Variants in EDEM2 observed in about 807,000 individuals in gnomAD.
EDEM2 encodes the protein ER degradation enhancing alpha-mannosidase like protein 2, also known as ER degradation-enhancing alpha-mannosidase-like protein 2.
In EDEM2, 39 loss-of-function variants were observed where a neutral mutation model predicts 64.8. The ratio of observed to expected loss-of-function variants is 0.60; its 90% CI spans 0.47 to 0.79. The LOEUF (loss-of-function observed/expected upper bound fraction) is 0.79. Ranked by LOEUF, EDEM2 falls within the 30% of genes least tolerant of loss-of-function variation. The pLI is 0.00. For missense variants in EDEM2, 609 were observed against 731.3 expected (o/e 0.83, Z 1.93); for synonymous variants, 296 against 291.5 (o/e 1.02, Z -0.16).
intron 7 of EDEM2, among the ~76,000 whole-genome samples, chr20:35,128,331 G>A (rs1472085482): frequency 1.4e-5 from 2 of 145,446 alleles, no homozygotes; most frequent in Non-Finnish European, 1.5e-5. Context: ...TGTAGTGAGC[G>A]GAGATCACAC....
rs777640624 is a variant in EDEM2 at position 35,115,877 on chromosome 20, G to T, written c.1293C>A (p.Ala431=). The T allele has an allele frequency of 1.9e-5, 31 of 1,613,784 alleles. No homozygotes were observed. The highest frequency in any genetic ancestry group is 2.2e-5 in the East Asian group (1 of 44,884). Residue 431 remains alanine (A), a synonymous_variant, in exon 11 of 11, where the codon GCC becomes GCA. Transcript: ENST00000374492. ...GGAGGTAGAGGTATTTCACAGTCTCGGCCAGGAAGAACGACTCCATGCGGT... is the reference window on the plus strand; with the variant it reads ...GGAGGTAGAGGTATTTCACAGTCTCTGCCAGGAAGAACGACTCCATGCGGT... ...LDNRMESFFL[A]ETVKYLYLLF... is the part of the protein sequence containing the mutation.
rs79137425 is a variant in EDEM2 at position 35,118,365 on chromosome 20, A to G, written c.1236+233T>C. The G allele has an allele frequency of 1.2e-4, 66 of 531,738 alleles. No individual in the cohort carries two copies. In the East Asian group the frequency reaches 2.4e-3, roughly 20 times the overall value. 32.9% of individuals were successfully genotyped at this position (531,738 alleles called of 1,614,324 possible). ...GGGAGGAATGCCAAGGGCCGGGGTC[A>G]AGATCCCAAGGAACTAATTCTAGCT... On this transcript the variant is annotated intron_variant, in intron 10 of 10. Coordinates refer to ENST00000374492, the MANE Select transcript of EDEM2 (RefSeq NM_018217.3).
intron 7 of EDEM2, among the ~76,000 whole-genome samples, chr20:35,126,747 T>C (rs2085438444): frequency 6.6e-6 from 1 of 152,050 alleles, no homozygotes; most frequent in Non-Finnish European, 1.5e-5. Flanking sequence ...ACCCTGTCTC[T>C]ACTAAAAATA....
intron 6 of EDEM2, 63 bp from the exon 7 acceptor site, chr20:35,131,846 AC>A (rs1311925383): frequency 7.7e-6 from 12 of 1,567,530 alleles, no homozygotes; most frequent in African/African-American, 1.4e-5. Flanking sequence ...GGATCTACTC[AC>A]CCCCAACCCT....
In EDEM2 at chr20:35,131,733, T is replaced by C. The variant is rs1462196262; in HGVS notation, c.753A>G (p.Ala251=). ...VLTGKWVAQD[A]GIGAGVDSYF... ...AGGAGTCCACGCCAGCCCCGATGCCTGCGTCCTGGGCCACCCACTTGCCAG... is the reference window on the plus strand; with the variant it reads ...AGGAGTCCACGCCAGCCCCGATGCCCGCGTCCTGGGCCACCCACTTGCCAG... The change falls in exon 7 of 11, where the codon GCA becomes GCG. Residue 251 remains alanine, a synonymous_variant. Transcript: ENST00000374492. The C allele has an allele frequency of 1.9e-6, 3 of 1,614,142 alleles. No homozygotes were observed. The highest frequency in any genetic ancestry group is 1.7e-6 in the Non-Finnish European group (2 of 1,180,012).
In EDEM2 at chr20:35,147,295, CA is replaced by C. The variant is rs1338145648; in HGVS notation, c.-38del. On this transcript the variant is annotated 5_prime_UTR_variant, in exon 1 of 11. It removes the in-frame stop codon of an upstream open reading frame in the 5' UTR. Transcript: ENST00000374492. Reference sequence around the variant, plus strand: ...CCTCTCAGCGCCCCCGCAGCAGCAGCAGCCACTGCAACCAGTTCATCCTGGG... The same window carrying C: ...CCTCTCAGCGCCCCCGCAGCAGCAGCGCCACTGCAACCAGTTCATCCTGGG... 6.8e-7 allele frequency: 1 copy of C among 1,470,162 alleles called. No individual in the cohort carries two copies. Among genetic ancestry groups the C allele is most frequent in the East Asian group, 2.5e-5 (1 of 39,528 alleles). 91.1% of individuals were successfully genotyped at this position (1,470,162 alleles called of 1,614,324 possible).
chr20:35,146,470 G>T (rs1036503401), intron 2 of EDEM2, among the ~76,000 whole-genome samples: 5 of 152,184 alleles, frequency 3.3e-5, no homozygotes, highest in Admixed American at 6.5e-5. Flanking sequence ...CTCCTTCCTG[G>T]ATCTGAATGC....
In EDEM2 at chr20:35,134,260, G is replaced by A. The variant is rs569957685; in HGVS notation, c.702+478C>T. On this transcript the variant is annotated intron_variant, in intron 6 of 10. Coordinates refer to ENST00000374492, the MANE Select transcript of EDEM2 (RefSeq NM_018217.3). ...TAGAGGATTTTTATTCTGCTCATGT[G>A]CATTCTGACTCTCCAAAAAAGGGGG... The A allele has an allele frequency of 2.3e-4, 94 of 404,794 alleles. 1 individual carries two copies. The highest frequency in any genetic ancestry group is 1.1e-4 in the Non-Finnish European group (23 of 205,554). 25.1% of individuals were successfully genotyped at this position (404,794 alleles called of 1,614,324 possible).
chr20:35,122,477 C>T (rs183631783), intron 9 of EDEM2, among the ~76,000 whole-genome samples: 137 of 152,248 alleles, frequency 9.0e-4, no homozygotes, highest in African/African-American at 3.0e-3. Flanking sequence ...CGGGTTCAAG[C>T]GATTCTACTG....
rs1394505322 is a variant in EDEM2, at chr20:35,126,241, T to C, written c.969+10A>G. The C allele has an allele frequency of 6.2e-7, 1 of 1,610,566 alleles. No homozygotes were observed. Among genetic ancestry groups the C allele is most frequent in the Non-Finnish European group, 8.5e-7 (1 of 1,179,160 alleles). On this transcript the variant is annotated intron_variant, in intron 8 of 10. Transcript: ENST00000374492. ...ATAGAAAGATGATCACATTCTTTGA[T>C]CATTCCTACCTGAAGACCAGGCCAG...
intron 6 of EDEM2, 63 bp downstream of exon 6, chr20:35,134,675 A>G (rs1321454268): frequency 6.3e-7 from 1 of 1,581,856 alleles, no homozygotes; most frequent in African/African-American, 1.4e-5. Context: ...ACTGCAACTT[A>G]TTGCTCAGAG....
chr20:35,134,875 CA>C lies in EDEM2; in HGVS notation c.564del (p.Val189SerfsTer17), dbSNP rs769451491. 15 of 1,614,076 alleles carry C rather than the reference CA, an allele frequency of 9.3e-6. No homozygotes were observed. On this transcript the variant is annotated frameshift_variant, in exon 6 of 11. Transcript: ENST00000374492. LOFTEE classifies it high-confidence loss of function. ...LLHGVNPGET[P>X]VTCTAGIGTF... is the part of the protein sequence containing the mutation. ...GTCCCAATCCCTGCCGTACAGGTGA[CA>C]GGGGTCTCTCCTGGGTTCACGCCAT...
intron 9 of EDEM2, among the ~76,000 whole-genome samples, chr20:35,121,380 T>C (rs1569174774): frequency 6.6e-6 from 1 of 152,186 alleles, no homozygotes; most frequent in Non-Finnish European, 1.5e-5. Flanking sequence ...GAACGTCTAA[T>C]GCCACCACGG....
At chr20:35,129,027 G>T (rs1310298267) in intron 7 of EDEM2, among the ~76,000 whole-genome samples, 1 of 152,144 alleles carries the variant, frequency 6.6e-6, no homozygotes, top group Non-Finnish European at 1.5e-5. Flanking sequence ...CACTTTGGGA[G>T]GCCAAGGTGG....
intron 8 of EDEM2, 152 bp from the exon 9 acceptor site, chr20:35,124,186 C>A: frequency 1.1e-6 from 1 of 899,794 alleles, no homozygotes; most frequent in Non-Finnish European, 1.6e-6. Context: ...CTGAGCCAGG[C>A]ACTGGACTTC....
In EDEM2 at chr20:35,123,930, T is replaced by A. The variant is rs140598165; in HGVS notation, c.1074A>T (p.Gly358=). The A allele has an allele frequency of 2.5e-6, 4 of 1,614,166 alleles. No homozygotes were observed. Among genetic ancestry groups the A allele is most frequent in the African/African-American group, 2.7e-5 (2 of 75,040 alleles). The change falls in exon 9 of 11, where the codon GGA becomes GGT. Residue 358 remains glycine, a synonymous_variant. Transcript: ENST00000374492. ...AGCCCTCTCGCTTCTCCACTGTGTA[T>A]CCCTGAGGAATGTTGTAGAATTCCG... ...GLPEFYNIPQ[G]YTVEKREGYP...
intron 4 of EDEM2, among the ~76,000 whole-genome samples, chr20:35,141,368 C>T (rs921710209): frequency 1.3e-5 from 2 of 152,106 alleles, no homozygotes; most frequent in Non-Finnish European, 2.9e-5. Flanking sequence ...AAGCTGGTAT[C>T]ACTTATATTC....
chr20:35,131,322 G>A (rs1270840036), intron 7 of EDEM2, among the ~76,000 whole-genome samples: 6 of 152,154 alleles, frequency 3.9e-5, no homozygotes, highest in African/African-American at 7.2e-5. Flanking sequence ...AGGCCAAGGC[G>A]GGCAGATCAC....
intron 3 of EDEM2, among the ~76,000 whole-genome samples, chr20:35,142,789 A>G (rs768222114): frequency 6.6e-6 from 1 of 152,204 alleles, no homozygotes; most frequent in South Asian, 2.1e-4. Context: ...TTTTTGAGAC[A>G]GAGTCTCGCT....
Sources: allele counts gnomAD v4.1 joint callset (sites outside exome capture counted in the v4.1 genomes callset), GRCh38; gene constraint gnomAD v4.1.1; transcripts MANE v1.5; gene names NCBI Gene and HGNC (gene_info 2026-07-23, HGNC 2026-07-21).